Variants in COPZ2 observed in about 807,000 individuals in gnomAD.
COPZ2 encodes the protein coatomer subunit zeta-2.
Under a neutral mutation model 33.2 loss-of-function variants are expected in COPZ2, and 30 were observed. The ratio of observed to expected loss-of-function variants is 0.90; its 90% CI spans 0.68 to 1.23. The LOEUF is 1.23. Among genes scored for constraint, COPZ2 ranks in the 50% most tolerant of loss-of-function variants. The pLI, the probability that COPZ2 is intolerant of heterozygous loss-of-function variation, is 0.00. For missense variants in COPZ2, 263 were observed against 262.4 expected (o/e 1.00, Z -0.02); for synonymous variants, 89 against 102.6 (o/e 0.87, Z 0.80).
upstream of COPZ2, chr17:48,037,802 GCGCCGCC>G: frequency 1.0e-6 from 1 of 985,570 alleles, no homozygotes; most frequent in Non-Finnish European, 1.2e-6. The surrounding 1 kb of genome is among the most constrained non-coding windows in gnomAD (Gnocchi z 5.6). Flanking sequence ...CGCACTGACA[GCGCCGCC>G]CGCCGCCTGC....
chr17:48,038,128 C>G (rs2037022618), upstream of COPZ2: 3 of 153,188 alleles, frequency 2.0e-5, no homozygotes, highest in Middle Eastern at 6.7e-3. Flanking sequence ...GCAGCAAACA[C>G]AAGCAAAGCC....
At chr17:48,029,778 G>A (rs2036865930) in intron 6 of COPZ2, among the ~76,000 whole-genome samples, 1 of 151,702 alleles carries the variant, frequency 6.6e-6, no homozygotes, top group African/African-American at 2.4e-5. Flanking sequence ...AGACCAGCCT[G>A]GCCAACATGG....
chr17:48,039,844 G>A (rs1057282588), upstream of COPZ2, among the ~76,000 whole-genome samples: 5 of 152,048 alleles, frequency 3.3e-5, no homozygotes, highest in African/African-American at 7.2e-5. Context: ...AGTGTCGGCC[G>A]GGCACGGTGG....
chr17:48,041,147 CAAAAAAAA>C (rs10532613), upstream of COPZ2, among the ~76,000 whole-genome samples: 1 of 103,014 alleles, frequency 9.7e-6, no homozygotes, highest in East Asian at 3.1e-4. Context: ...ACTCTATCTC[CAAAAAAAA>C]AAAAAAAAAA....
chr17:48,037,605 A>G lies in COPZ2; in HGVS notation c.111+62T>C. On this transcript the variant is annotated intron_variant, in intron 1 of 8. Transcript: ENST00000621465. The surrounding 1 kb of genome is among the most constrained non-coding windows in gnomAD (Gnocchi z 5.6). ...AGTTCTGAGTTGGCTGCTCCCCCTA[A>G]CCCTGCTCTGTCCCTGCCCAGCTCC... 9.6e-7 allele frequency: 1 copy of G among 1,039,690 alleles called. No individual in the cohort carries two copies. Among genetic ancestry groups the G allele is most frequent in the Non-Finnish European group, 1.2e-6 (1 of 864,192 alleles). 64.4% of individuals were successfully genotyped at this position (1,039,690 alleles called of 1,614,324 possible). A position where few individuals can be genotyped will look rare whatever the true frequency, so the allele number is the denominator to read the frequency against.
chr17:48,026,503 A>G, intron 8 of COPZ2, 28 bp from the exon 9 acceptor site: 1 of 1,548,838 alleles, frequency 6.5e-7, no homozygotes, highest in Non-Finnish European at 8.9e-7. Flanking sequence ...AGGTTGAGAG[A>G]GAATTGAGAA....
upstream of COPZ2, among the ~76,000 whole-genome samples, chr17:48,042,574 G>A (rs1268222231): frequency 6.6e-6 from 1 of 152,130 alleles, no homozygotes; most frequent in African/African-American, 2.4e-5. Context: ...CAATTCTCCT[G>A]CCTCAGCCTC....
In COPZ2 at chr17:48,037,745, G is replaced by C. The variant is rs2037013768; in HGVS notation, c.33C>G (p.His11Gln). 2 of 1,053,440 alleles carry C rather than the reference G, an allele frequency of 1.9e-6. No homozygotes were observed. Among genetic ancestry groups the C allele is most frequent in the East Asian group, 7.5e-5 (1 of 13,334 alleles). 65.3% of individuals were successfully genotyped at this position (1,053,440 alleles called of 1,614,324 possible). A position where few individuals can be genotyped will look rare whatever the true frequency, so the allele number is the denominator to read the frequency against. ...GGGCCGCCGCGGCCCCCTCCCCCGG[G>C]TGCGGACGTGGCCAGGCCTCGGGCC... MQRPEAWPRP[H>Q]PGEGAAAAQA... Residue 11 changes from histidine (H) to glutamine (Q), a missense_variant, in exon 1 of 9, where the codon CAC becomes CAG. His to Gln is a conservative substitution (Grantham distance 24, BLOSUM62 0). Transcript: ENST00000621465. This position sits in a 1 kb window ranked among gnomAD's most constrained non-coding sequence, Gnocchi z 5.6.
In COPZ2 at chr17:48,033,194, C is replaced by T. The variant is rs1204089208; in HGVS notation, c.360+17G>A. On this transcript the variant is annotated intron_variant, in intron 4 of 8. Transcript: ENST00000621465. Reference sequence around the variant, plus strand: ...CATAGACAGACCCTTCTTACTGCCCCAACCTCCTGAATTCACCTCATTCTC... The same window carrying T: ...CATAGACAGACCCTTCTTACTGCCCTAACCTCCTGAATTCACCTCATTCTC... The T allele has an allele frequency of 1.9e-6, 3 of 1,553,404 alleles. No individual in the cohort carries two copies. The highest frequency in any genetic ancestry group is 1.1e-5 in the South Asian group (1 of 88,644).
the COPZ2 span, among the ~76,000 whole-genome samples, chr17:48,043,157 T>TCC: frequency 6.6e-6 from 1 of 152,136 alleles, no homozygotes; most frequent in African/African-American, 2.4e-5. Context: ...TGCCCTCTAC[T>TCC]CCCTTCGGGT....
rs2036814977 is a variant in COPZ2 at position 48,026,254 on chromosome 17, G to A, written c.*174C>T. 5.0e-6 allele frequency: 3 copies of A among 598,814 alleles called. No individual in the cohort carries two copies. Among genetic ancestry groups the A allele is most frequent in the Non-Finnish European group, 8.9e-6 (3 of 336,568 alleles). 37.1% of individuals were successfully genotyped at this position (598,814 alleles called of 1,614,324 possible). A position where few individuals can be genotyped will look rare whatever the true frequency, so the allele number is the denominator to read the frequency against. ...TAAGGCCAGGGCCGTGAGAAAAGGTGACTCTCCTGAGGCCAAACCTTTGCA... is the reference window on the plus strand; with the variant it reads ...TAAGGCCAGGGCCGTGAGAAAAGGTAACTCTCCTGAGGCCAAACCTTTGCA... On this transcript the variant is annotated 3_prime_UTR_variant, in exon 9 of 9. Transcript: ENST00000621465.
chr17:48,041,102 A>G (rs1212557285), upstream of COPZ2, among the ~76,000 whole-genome samples: 1 of 150,890 alleles, frequency 6.6e-6, no homozygotes, highest in Non-Finnish European at 1.5e-5. Flanking sequence ...TAGTGAGCCA[A>G]GATCACACCA....
At chr17:48,036,783 G>A in intron 2 of COPZ2, 68 bp downstream of exon 2, 1 of 1,460,502 alleles carries the variant, frequency 6.8e-7, no homozygotes, top group South Asian at 1.2e-5. Context: ...TCACAGTGGA[G>A]TTTCTCCTGA....
chr17:48,041,967 G>A (rs759192421), upstream of COPZ2, among the ~76,000 whole-genome samples: 14 of 152,158 alleles, frequency 9.2e-5, no homozygotes, highest in Non-Finnish European at 1.9e-4. Context: ...TTAGGGGGCT[G>A]GCTCCATAGG....
At chr17:48,041,637 G>A (rs1598269474), upstream of COPZ2, among the ~76,000 whole-genome samples, 1 of 152,134 alleles carries the variant, frequency 6.6e-6, no homozygotes, top group East Asian at 1.9e-4. Flanking sequence ...GGAACATAAT[G>A]ACACTATTTG....
At chr17:48,044,365 C>A in the COPZ2 span, among the ~76,000 whole-genome samples, 1 of 144,852 alleles carries the variant, frequency 6.9e-6, no homozygotes, top group African/African-American at 2.5e-5. Context: ...GTCAGATAAT[C>A]ATTCTAGTCT....
the COPZ2 span, chr17:48,043,570 T>C: frequency 4.1e-6 from 4 of 985,394 alleles, no homozygotes; most frequent in South Asian, 1.9e-4. Context: ...GATGGGTTTC[T>C]AGTAGACCAT....
the COPZ2 span, chr17:48,047,516 A>C: frequency 6.6e-6 from 1 of 152,290 alleles, no homozygotes; most frequent in Non-Finnish European, 1.5e-5. Context: ...GGAGAAATTA[A>C]AAAATGAGAA....
chr17:48,044,621 G>A, the COPZ2 span, among the ~76,000 whole-genome samples: 1 of 152,058 alleles, frequency 6.6e-6, no homozygotes, highest in East Asian at 1.9e-4. Flanking sequence ...ATGCAGCCAG[G>A]ATTGAGAAGC....
Sources: allele counts gnomAD v4.1 joint callset (sites outside exome capture counted in the v4.1 genomes callset), GRCh38; gene constraint gnomAD v4.1.1; non-coding constraint Gnocchi (gnomAD v3.1); transcripts MANE v1.5; gene names NCBI Gene and HGNC (gene_info 2026-07-23, HGNC 2026-07-21).